The following SCRIB variants were observed in gnomAD, a reference collection of about 807,000 sequenced individuals.
SCRIB encodes the protein protein scribble homolog.
In SCRIB, 72 loss-of-function variants were observed where a neutral mutation model predicts 170.0. The ratio of observed to expected loss-of-function variants is 0.42; its 90% confidence interval spans 0.35 to 0.52. SCRIB has a LOEUF of 0.52. Among genes scored for constraint, SCRIB ranks in the 20% least tolerant of loss-of-function variants. The pLI is 0.02. For missense variants in SCRIB, 2,475 were observed against 2,338.5 expected, an observed-to-expected ratio of 1.06 and a Z score of -1.20; for synonymous variants, 1,298 against 1,044.3, an observed-to-expected ratio of 1.24 and a Z score of -4.68.
chr8:143,796,183 C>T (rs953078654), intron 24 of SCRIB, among the ~76,000 whole-genome samples: 4 of 152,124 alleles, frequency 2.6e-5, no homozygotes, highest in Non-Finnish European at 2.9e-5. Flanking sequence ...ACTTGAATCC[C>T]GAGCCTGGGG....
Position 143,815,443 on chromosome 8 carries a change from C to A in SCRIB, c.-71G>T. On this transcript the variant is annotated 5_prime_UTR_variant, in exon 1 of 37. Transcript: ENST00000356994. The stretch of plus-strand genomic sequence containing the variant: ...TCGGGGCCGGGGGGCGGGGCTCAGT[C>A]CGCATGGGCGCCGCGCATGGGGAGG... 4.3e-6 allele frequency: 5 copies of A among 1,168,880 alleles called. No individual in the cohort carries two copies. The highest frequency in any genetic ancestry group is 5.3e-6 in the Non-Finnish European group (5 of 947,486). The allele number at this position is 1,168,880 out of a possible 1,614,324, so 72.4% of individuals were successfully genotyped here.
Position 143,792,832 on chromosome 8 carries a change from C to A in SCRIB, c.4053G>T (p.Gln1351His). 2 of 1,543,112 alleles carry A rather than the reference C, an allele frequency of 1.3e-6. No homozygotes were observed. Among genetic ancestry groups the A allele is most frequent in the South Asian group, 1.2e-5 (1 of 81,040 alleles). The change falls in exon 30 of 37, where the codon CAG (glutamine) becomes CAT (histidine). Residue 1351 changes from glutamine (Q) to histidine (H), a missense_variant. By Grantham distance (24) the Gln-to-His change is conservative (BLOSUM62 0). Around this residue, in one of 3 missense-constraint regions of SCRIB, gnomAD observed 1,966 missense variants for 1,742.9 expected, o/e 1.13. Transcript: ENST00000356994. ...ACTTCTGCCGCTCCCGGAAGGACAG[C>A]TGCTCCGGGGAGGCTGCAGGCCCAG... The part of the protein sequence containing the change: ...PTPGPAASPE[Q>H]LSFRERQKYF...
At chr8:143,813,795 C>CCCCACCACAGGCTGCCA in intron 3 of SCRIB, 23 bp downstream of exon 3, 1 of 1,608,274 alleles carries the variant, frequency 6.2e-7, no homozygotes, top group Admixed American at 1.7e-5. Context: ...CCCCTACCGA[C>CCCCACCACAGGCTGCCA]CCCACCACAG....
At position 143,803,391 on chromosome 8, in the gene SCRIB, C is replaced by A; in HGVS notation, c.3595G>T (p.Ala1199Ser). 2 of 1,576,012 alleles carry A rather than the reference C, an allele frequency of 1.3e-6. No individual in the cohort carries two copies. Among genetic ancestry groups the A allele is most frequent in the Non-Finnish European group, 1.7e-6 (2 of 1,163,758 alleles). Residue 1199 changes from alanine to serine, a missense_variant, in exon 24 of 37, where the codon GCC becomes TCC. By Grantham distance (99) the Ala-to-Ser change is moderately conservative (BLOSUM62 1). Transcript: ENST00000356994. ...CDGFEASTDA[A>S]LEVSPGVIAN... is the part of the protein sequence containing the mutation. ...GGGGCGGGATCGCTAACCTCCAGGG[C>A]TGCGTCGGTGCTGGCCTCAAAGCCG...
intron 13 of SCRIB, among the ~76,000 whole-genome samples, 163 bp from the exon 14 acceptor site, chr8:143,809,881 A>G (rs140367824): frequency 2.0e-5 from 3 of 152,200 alleles, no homozygotes; most frequent in Admixed American, 2.0e-4. Context: ...CCCAGCCTGC[A>G]AGGAAGCCAC....
At position 143,809,643 on chromosome 8, in the gene SCRIB, G is replaced by GCTCAGC; in HGVS notation, c.1600_1605dup (p.Ala534_Glu535dup). 6.2e-7 allele frequency: 1 copy of GCTCAGC among 1,611,094 alleles called. No individual in the cohort carries two copies. Among genetic ancestry groups the GCTCAGC allele is most frequent in the Non-Finnish European group, 8.5e-7 (1 of 1,179,932 alleles). On this transcript the variant is annotated inframe_insertion, in exon 14 of 37. Transcript: ENST00000356994. ...TGTGCCTCAGCCGACGGGCCCTCGG[G>GCTCAGC]CTCAGCCTCAGAGACTGTGCTGGCA...
intron 28 of SCRIB, 106 bp downstream of exon 28, chr8:143,793,794 G>T: frequency 8.8e-7 from 1 of 1,133,608 alleles, no homozygotes; most frequent in Non-Finnish European, 1.3e-6. Context: ...AGCACCCCAC[G>T]ATGGCCCCTG....
Position 143,791,748 on chromosome 8 carries a change from G to A in SCRIB, c.4696-8C>T, listed in dbSNP as rs1361424640. 3 of 1,596,004 alleles carry A rather than the reference G, an allele frequency of 1.9e-6. No homozygotes were observed. The highest frequency in any genetic ancestry group is 2.6e-6 in the Non-Finnish European group (3 of 1,166,024). ...CTTCTTTCCAGACAAGGGCTTGAAAGGACAGCGTGAGGGGAGAGGCAGAGA... is the reference window on the plus strand; with the variant it reads ...CTTCTTTCCAGACAAGGGCTTGAAAAGACAGCGTGAGGGGAGAGGCAGAGA... On this transcript the variant is annotated splice_polypyrimidine_tract_variant and splice_region_variant and intron_variant, in intron 34 of 36. Transcript: ENST00000356994.
rs1554633203 is a variant in SCRIB at position 143,792,726 on chromosome 8, T to C, written c.4159A>G (p.Lys1387Glu). The change falls in exon 30 of 37, where the codon AAG (lysine) becomes GAG (glutamate). Residue 1387 changes from lysine (K) to glutamate (E), a missense_variant. Lys to Glu is a moderately conservative substitution (Grantham distance 56). Coordinates refer to ENST00000356994, the MANE Select transcript of SCRIB (RefSeq NM_182706.5). Reference protein sequence around the residue: ...VSLVGADDLRKMQEEEARKLQ... With the variant: ...VSLVGADDLREMQEEEARKLQ... ...CCCTCACCTTCCTCCTCCTGCATCT[T>C]CCGCAGGTCGTCAGCACCCACCAGG... 1 of 1,589,256 alleles carries C rather than the reference T, an allele frequency of 6.3e-7. No homozygotes were observed. The highest frequency in any genetic ancestry group is 1.7e-5 in the Admixed American group (1 of 57,984).
chr8:143,812,985 G>A (rs375113117), intron 7 of SCRIB, 24 bp from the exon 8 acceptor site: 9 of 1,611,956 alleles, frequency 5.6e-6, no homozygotes, highest in Non-Finnish European at 6.8e-6. Context: ...GAGAGTCAGA[G>A]CGCGGATGGG....
intron 24 of SCRIB, among the ~76,000 whole-genome samples, chr8:143,796,504 G>A (rs541054525): frequency 9.2e-5 from 14 of 152,170 alleles, no homozygotes; most frequent in Admixed American, 2.6e-4. Flanking sequence ...TGCTCAGGCC[G>A]GGGGAGAAAG....
rs765877309 is a variant in SCRIB at position 143,812,261 on chromosome 8, C to T, written c.906+5G>A. 29 of 1,587,126 alleles carry T rather than the reference C, an allele frequency of 1.8e-5. No individual in the cohort carries two copies. The highest frequency in any genetic ancestry group is 2.4e-5 in the Non-Finnish European group (28 of 1,155,654). ...ATCCTTTCTGCCTCCCAAGCCAGAC[C>T]CTACCATCAGCAGGTTCTCCGTGAG... On this transcript the variant is annotated splice_donor_5th_base_variant and intron_variant, in intron 9 of 36. Coordinates refer to ENST00000356994, the MANE Select transcript of SCRIB (RefSeq NM_182706.5).
At chr8:143,810,861 G>A (rs761773611) in intron 11 of SCRIB, 45 bp from the exon 12 acceptor site, 6 of 1,607,474 alleles carry the variant, frequency 3.7e-6, no homozygotes, top group Non-Finnish European at 5.1e-6. Context: ...CCCAAACCCT[G>A]CCTGAGAGCC....
chr8:143,791,865 C>T lies in SCRIB; in HGVS notation c.4695+11G>A, dbSNP rs782497802. 38 of 1,533,622 alleles carry T rather than the reference C, an allele frequency of 2.5e-5. No homozygotes were observed. The highest frequency in any genetic ancestry group is 5.6e-5 in the African/African-American group (4 of 71,810). On this transcript the variant is annotated intron_variant, in intron 34 of 36. Transcript: ENST00000356994. ...GGGGGTGAAGGGAAGGCATAGCCAC[C>T]GGCTCCTCACCAGGCGTCCCGGGGA...
chr8:143,807,044 G>A (rs1554636789), intron 16 of SCRIB, 31 bp from the exon 17 acceptor site: 8 of 1,490,936 alleles, frequency 5.4e-6, no homozygotes, highest in Middle Eastern at 1.7e-4. Flanking sequence ...GTGTCTAGAA[G>A]GGCCGCAGTG....
chr8:143,801,602 A>G (rs1189612126), intron 24 of SCRIB, among the ~76,000 whole-genome samples: 1 of 152,236 alleles, frequency 6.6e-6, no homozygotes, highest in African/African-American at 2.4e-5. Flanking sequence ...CACAGAACAA[A>G]GATGAGCAAC....
At chr8:143,791,969 C>CCA in intron 33 of SCRIB, 22 bp downstream of exon 33, 1 of 1,488,158 alleles carries the variant, frequency 6.7e-7, no homozygotes, top group Non-Finnish European at 8.9e-7. Flanking sequence ...CTGACCCCCC[C>CCA]GACCTGCCCT....
chr8:143,791,803 G>C, intron 34 of SCRIB, 63 bp from the exon 35 acceptor site: 2 of 1,478,302 alleles, frequency 1.4e-6, no homozygotes, highest in Non-Finnish European at 1.9e-6. Flanking sequence ...TGAGGGCCAC[G>C]GGGGTGGGGG....
chr8:143,793,822 G>A lies in SCRIB; in HGVS notation c.3909+78C>T, dbSNP rs539462574. On this transcript the variant is annotated intron_variant, in intron 28 of 36. Coordinates refer to ENST00000356994, the MANE Select transcript of SCRIB (RefSeq NM_182706.5). ...GGCCCCTGACCCCCCATCCCTGGAG[G>A]AGGGGCCCTGTGCACAGCGGCCATC... The A allele has an allele frequency of 4.9e-6, 7 of 1,426,554 alleles. No individual in the cohort carries two copies. In the African/African-American group the frequency reaches 8.4e-5, roughly 17 times the overall value. The allele number at this position is 1,426,554 out of a possible 1,614,324, so 88.4% of individuals were successfully genotyped here. A position where few individuals can be genotyped will look rare whatever the true frequency, so the allele number is the denominator to read the frequency against.
Sources: gnomAD v4.1 joint callset for allele counts (sites outside exome capture counted in the v4.1 genomes callset) on GRCh38, gnomAD v4.1.1 for gene constraint, gnomAD v4.1.1 regional missense constraint, MANE v1.5 for transcripts, NCBI Gene and HGNC (gene_info 2026-07-23, HGNC 2026-07-21) for gene names.